SRGAP2: variants seen among roughly 807,000 people sequenced by gnomAD.
SRGAP2 encodes the protein SLIT-ROBO Rho GTPase-activating protein 2.
A neutral mutation model predicts 57.2 loss-of-function variants in SRGAP2; 15 were observed. The observed-to-expected ratio is 0.26, with a 90% CI of 0.18 to 0.40. The LOEUF is 0.40. Ranked by LOEUF, SRGAP2 falls within the 10% of genes least tolerant of loss-of-function variation. SRGAP2 has a pLI of 1.00. For synonymous variants in SRGAP2, 249 were observed against 248.0 expected, an observed-to-expected ratio of 1.00 and a Z score of -0.04; for missense variants, 520 against 669.6, an observed-to-expected ratio of 0.78 and a Z score of 2.47.
chr1:206,307,908 A>C (rs1295060073), intron 3 of SRGAP2, among the ~76,000 whole-genome samples: 3,499 of 151,690 alleles, frequency 0.023, 131 homozygotes, highest in African/African-American at 0.08. Context: ...CCCACAGTGC[A>C]GGGGGGGGTG....
At chr1:206,234,558 C>G (rs1553307794) in intron 2 of SRGAP2, among the ~76,000 whole-genome samples, 1 of 152,234 alleles carries the variant, frequency 6.6e-6, no homozygotes, top group East Asian at 1.9e-4. Context: ...GCTTAGAAAA[C>G]AGTGGGCTTC....
chr1:206,378,791 ACACT>A (rs781968486), intron 4 of SRGAP2, among the ~76,000 whole-genome samples: 2 of 152,244 alleles, frequency 1.3e-5, no homozygotes, highest in African/African-American at 2.4e-5. Context: ...AAGAGCTGTA[ACACT>A]CACCGCGAAG....
intron 2 of SRGAP2, among the ~76,000 whole-genome samples, chr1:206,238,951 C>T (rs1189573502): frequency 2.0e-5 from 3 of 151,038 alleles, no homozygotes; most frequent in Non-Finnish European, 4.4e-5. Context: ...GTCTCAGGGC[C>T]TGGGCTTGGA....
At chr1:206,253,804 C>T (rs1669006018) in intron 2 of SRGAP2, among the ~76,000 whole-genome samples, 3 of 150,690 alleles carry the variant, frequency 2.0e-5, no homozygotes, top group Admixed American at 1.3e-4. Flanking sequence ...AGGATGGTAT[C>T]GATCCTTTTT....
At chr1:206,412,565 A>AGG (rs1659312964) in intron 10 of SRGAP2, among the ~76,000 whole-genome samples, 1 of 152,234 alleles carries the variant, frequency 6.6e-6, no homozygotes, top group Non-Finnish European at 1.5e-5. Flanking sequence ...AACATGCCCT[A>AGG]AGTAAGGAGA....
chr1:206,434,512 T>A (rs34875742), intron 14 of SRGAP2, among the ~76,000 whole-genome samples: 4 of 152,102 alleles, frequency 2.6e-5, no homozygotes, highest in African/African-American at 9.7e-5. Flanking sequence ...GAGAAAAAAT[T>A]TAAAAGATCA....
intron 2 of SRGAP2, among the ~76,000 whole-genome samples, chr1:206,280,026 A>G (rs1456343823): frequency 2.0e-5 from 3 of 150,918 alleles, no homozygotes; most frequent in Admixed American, 6.6e-5. Context: ...TCTTTGTGCT[A>G]CAAAGTCCAG....
intron 2 of SRGAP2, among the ~76,000 whole-genome samples, chr1:206,248,353 G>A (rs1447152358): frequency 2.0e-5 from 3 of 152,156 alleles, no homozygotes; most frequent in Non-Finnish European, 4.4e-5. Context: ...AAATAACCAA[G>A]TTGTTCAGAT....
At chr1:206,404,438 G>C (rs1479607444) in intron 8 of SRGAP2, among the ~76,000 whole-genome samples, 2 of 152,094 alleles carry the variant, frequency 1.3e-5, no homozygotes, top group African/African-American at 4.8e-5. Flanking sequence ...CGGTAACAAG[G>C]TGACAGGAGC....
chr1:206,212,093 T>G (rs1488027826), intron 2 of SRGAP2, among the ~76,000 whole-genome samples: 1 of 152,254 alleles, frequency 6.6e-6, no homozygotes, highest in Non-Finnish European at 1.5e-5. Context: ...ATTCGTTCAT[T>G]GATGAACACT....
intron 22 of SRGAP2, 95 bp from the exon 23 acceptor site, chr1:206,460,942 C>A (rs1475840171): frequency 3.3e-6 from 2 of 611,534 alleles, no homozygotes; most frequent in African/African-American, 1.8e-5. Flanking sequence ...ATCTTACGGT[C>A]ATTTTCTTCA....
chr1:206,453,658 A>C, intron 20 of SRGAP2: 3 of 292,138 alleles, frequency 1.0e-5, no homozygotes, highest in East Asian at 6.0e-5. Flanking sequence ...GCCAGCACTC[A>C]TCCATATTTA....
chr1:206,304,884 C>T (rs1439777554), intron 3 of SRGAP2, among the ~76,000 whole-genome samples: 1 of 148,902 alleles, frequency 6.7e-6, no homozygotes, highest in African/African-American at 2.5e-5. Context: ...AGCCTACCTC[C>T]TGAGTAGCTG....
chr1:206,289,228 A>C (rs1473571689), intron 2 of SRGAP2, among the ~76,000 whole-genome samples: 1 of 140,854 alleles, frequency 7.1e-6, no homozygotes. Flanking sequence ...ACAATAGCAG[A>C]TATAATTTAT....
intron 22 of SRGAP2, 69 bp downstream of exon 22, chr1:206,459,016 A>G: frequency 1.5e-6 from 1 of 650,080 alleles, no homozygotes; most frequent in Non-Finnish European, 2.8e-6. Flanking sequence ...CCACCCACCT[A>G]ATTATGACAG....
rs1037290070 is a variant in SRGAP2, at chr1:206,419,262, T to G, written c.1442-111T>G. 5.4e-5 allele frequency: 39 copies of G among 728,772 alleles called. No homozygotes were observed. In the African/African-American group the frequency reaches 6.7e-4, roughly 13 times the overall value. 45.1% of individuals were successfully genotyped at this position (728,772 alleles called of 1,614,324 possible). The stretch of plus-strand genomic sequence containing the variant: ...CTCTCCTCTCTTTTGCCACACACTG[T>G]TATACTGTGGCTGTCTAGGGGAGAT... On this transcript the variant is annotated intron_variant, in intron 11 of 22. Transcript: ENST00000573034.
At chr1:206,421,502 C>T (rs1553364348) in intron 13 of SRGAP2, among the ~76,000 whole-genome samples, 2 of 152,162 alleles carry the variant, frequency 1.3e-5, no homozygotes. Context: ...AGTCATTTAT[C>T]CTCTTGCATA....
chr1:206,454,415 G>T lies in SRGAP2; in HGVS notation c.2361-463G>T, dbSNP rs1312691439. ...GGATGCTCTGAGCGGGGCTAGAGGC[G>T]CTACGACAGTGTGTGGCGGTGTCCT... On this transcript the variant is annotated intron_variant, in intron 20 of 22. Coordinates refer to ENST00000573034, the MANE Select transcript of SRGAP2 (RefSeq NM_015326.5). This position sits in a 1 kb window ranked among gnomAD's most constrained non-coding sequence, Gnocchi z 4.3. The T allele has an allele frequency of 3.6e-6, 2 of 554,786 alleles. No homozygotes were observed. Among genetic ancestry groups the T allele is most frequent in the South Asian group, 2.4e-5 (1 of 41,586 alleles). The allele number at this position is 554,786 out of a possible 1,614,324, so 34.4% of individuals were successfully genotyped here.
At chr1:206,386,279 G>T (rs1553348459) in intron 5 of SRGAP2, among the ~76,000 whole-genome samples, 1 of 151,798 alleles carries the variant, frequency 6.6e-6, no homozygotes, top group African/African-American at 2.4e-5. Context: ...GAGAAATGCT[G>T]GTCTAGTGAC....
Sources: allele counts gnomAD v4.1 joint callset (sites outside exome capture counted in the v4.1 genomes callset), GRCh38; gene constraint gnomAD v4.1.1; non-coding constraint Gnocchi (gnomAD v3.1); transcripts MANE v1.5; gene names NCBI Gene and HGNC (gene_info 2026-07-23, HGNC 2026-07-21).